ZBTB20: variants seen among roughly 807,000 people sequenced by gnomAD.
ZBTB20 encodes the protein zinc finger and BTB domain containing 20.
Under a neutral mutation model 56.9 loss-of-function variants are expected in ZBTB20, and 9 were observed. The observed-to-expected ratio is 0.16, with a 90% CI of 0.10 to 0.28. The LOEUF (loss-of-function observed/expected upper bound fraction) is 0.28. Among genes scored for constraint, ZBTB20 ranks in the 10% least tolerant of loss-of-function variants. ZBTB20 has a pLI of 1.00. For missense variants in ZBTB20, 655 were observed against 1,003.0 expected (o/e 0.65, Z 4.69); for synonymous variants, 417 against 420.7 (o/e 0.99, Z 0.11).
intron 6 of ZBTB20, among the ~76,000 whole-genome samples, chr3:114,655,665 C>T (rs2060371080): frequency 6.6e-6 from 1 of 152,136 alleles, no homozygotes; most frequent in Admixed American, 6.5e-5. Flanking sequence ...CTAAGGATTA[C>T]AATATGCCTC....
chr3:114,852,130 C>A (rs894631521), intron 4 of ZBTB20, among the ~76,000 whole-genome samples: 7 of 151,806 alleles, frequency 4.6e-5, no homozygotes, highest in African/African-American at 9.7e-5. Flanking sequence ...GTTTTTGGTC[C>A]CATTAGAGTT....
rs1473150455 is a variant in ZBTB20, at chr3:114,787,352, TATATATATATATATATAC to T, written c.-343+13731_-343+13748del. Among the ~76,000 whole-genome samples the T allele has an allele frequency of 5.1e-4, 63 of 124,146 alleles. 2 individuals carry two copies. Among genetic ancestry groups the T allele is most frequent in the African/African-American group, 2.3e-3 (62 of 26,480 alleles). The allele number at this position is 124,146 out of a possible 152,430, so 81.4% of individuals were successfully genotyped here. The stretch of plus-strand genomic sequence containing the variant: ...AAGGTTATATATATATATATATATA[TATATATATATATATATAC>T]ACACACACACACACACACACACATA... On this transcript the variant is annotated intron_variant, in intron 5 of 11. Transcript: ENST00000675478.
chr3:114,504,713 C>G (rs988073241), intron 6 of ZBTB20, among the ~76,000 whole-genome samples: 3 of 152,096 alleles, frequency 2.0e-5, no homozygotes, highest in African/African-American at 7.2e-5. Context: ...TGGCAGGCAC[C>G]CTTAGTATTG....
intron 6 of ZBTB20, among the ~76,000 whole-genome samples, chr3:114,531,290 T>G (rs771401954): frequency 6.6e-6 from 1 of 152,190 alleles, no homozygotes; most frequent in Non-Finnish European, 1.5e-5. Context: ...TTATCTAAAT[T>G]ATCTAATTAA....
chr3:114,758,438 A>C (rs1361227683), intron 5 of ZBTB20, among the ~76,000 whole-genome samples: 1 of 152,162 alleles, frequency 6.6e-6, no homozygotes, highest in African/African-American at 2.4e-5. Context: ...ATGTCCCTTT[A>C]GAAATTCTCA....
intron 6 of ZBTB20, among the ~76,000 whole-genome samples, chr3:114,661,555 T>C (rs1042616788): frequency 6.6e-6 from 1 of 152,194 alleles, no homozygotes; most frequent in African/African-American, 2.4e-5. Context: ...CTCTTAGCAC[T>C]GTTGTTCTCC....
At chr3:115,120,157 A>G (rs2084142215) in intron 1 of ZBTB20, among the ~76,000 whole-genome samples, 1 of 152,140 alleles carries the variant, frequency 6.6e-6, no homozygotes, top group African/African-American at 2.4e-5. Flanking sequence ...CCAAAAGTGA[A>G]TCCTAACATA....
At chr3:114,820,802 A>G (rs965117685) in intron 4 of ZBTB20, among the ~76,000 whole-genome samples, 7 of 152,150 alleles carry the variant, frequency 4.6e-5, no homozygotes, top group Admixed American at 4.6e-4. Flanking sequence ...AAACCCAAAG[A>G]AAATAAAGTC....
intron 1 of ZBTB20, among the ~76,000 whole-genome samples, chr3:115,130,693 C>A (rs2084478799): frequency 6.6e-6 from 1 of 152,154 alleles, no homozygotes; most frequent in Admixed American, 6.5e-5. Context: ...TGCTTGGGTG[C>A]CAAGATTCAG....
intron 3 of ZBTB20, among the ~76,000 whole-genome samples, chr3:114,945,998 A>G (rs1416322670): frequency 1.4e-5 from 2 of 145,830 alleles, no homozygotes; most frequent in Non-Finnish European, 3.0e-5. Flanking sequence ...GTACAAACCA[A>G]TAACATAAGC....
At chr3:114,564,688 G>C (rs114957638) in intron 6 of ZBTB20, among the ~76,000 whole-genome samples, 3 of 152,114 alleles carry the variant, frequency 2.0e-5, no homozygotes, top group African/African-American at 7.2e-5. Context: ...AGAATTATTA[G>C]TACAGTAAGT....
At chr3:114,843,687 T>TA (rs1442400742) in intron 4 of ZBTB20, among the ~76,000 whole-genome samples, 181 of 151,196 alleles carry the variant, frequency 1.2e-3, no homozygotes, top group South Asian at 4.4e-3. Context: ...ATATATATAT[T>TA]TTTTTTTGAG....
intron 3 of ZBTB20, among the ~76,000 whole-genome samples, chr3:114,917,087 T>C (rs1243833065): frequency 3.9e-5 from 6 of 152,156 alleles, no homozygotes; most frequent in Non-Finnish European, 8.8e-5. Flanking sequence ...GTCTCCTAAA[T>C]ATGTTTTCAA....
chr3:115,009,045 AT>A (rs2108252180), intron 2 of ZBTB20, among the ~76,000 whole-genome samples: 1 of 151,970 alleles, frequency 6.6e-6, no homozygotes, highest in African/African-American at 2.4e-5. Context: ...TTGGACACAT[AT>A]TTTTATGAAT....
At chr3:114,507,855 G>A (rs1259711717) in intron 6 of ZBTB20, among the ~76,000 whole-genome samples, 1 of 152,092 alleles carries the variant, frequency 6.6e-6, no homozygotes, top group African/African-American at 2.4e-5. Flanking sequence ...AATACAGATA[G>A]TTGATAAGTT....
intron 6 of ZBTB20, among the ~76,000 whole-genome samples, chr3:114,611,530 C>T (rs1428454205): frequency 1.3e-5 from 2 of 152,106 alleles, no homozygotes; most frequent in Non-Finnish European, 2.9e-5. Flanking sequence ...GGACTTACCC[C>T]ATAAGGAGCA....
chr3:115,019,826 TG>T, intron 2 of ZBTB20, among the ~76,000 whole-genome samples: 1 of 151,394 alleles, frequency 6.6e-6, no homozygotes, highest in Middle Eastern at 3.4e-3. Flanking sequence ...AAGAAAATCT[TG>T]GTTGGACAGA....
intron 6 of ZBTB20, among the ~76,000 whole-genome samples, chr3:114,588,506 G>C (rs2055412605): frequency 6.6e-6 from 1 of 151,950 alleles, no homozygotes; most frequent in South Asian, 2.1e-4. Context: ...GCTCAGAGTG[G>C]GTCACAAGAG....
intron 11 of ZBTB20, among the ~76,000 whole-genome samples, chr3:114,343,183 G>C (rs2079923297): frequency 1.3e-5 from 2 of 151,236 alleles, no homozygotes; most frequent in East Asian, 3.9e-4. Flanking sequence ...GCTTAGGTTA[G>C]AAGATGCAGA....
Sources: allele counts gnomAD v4.1 joint callset (sites outside exome capture counted in the v4.1 genomes callset), GRCh38; gene constraint gnomAD v4.1.1; transcripts MANE v1.5; gene names NCBI Gene and HGNC (gene_info 2026-07-23, HGNC 2026-07-21).